The following PLA2G4C variants were observed in gnomAD, a reference collection of about 807,000 sequenced individuals.
PLA2G4C encodes cytosolic phospholipase A2 gamma.
A neutral mutation model predicts 73.8 loss-of-function variants in PLA2G4C; 64 were observed. The observed-to-expected ratio is 0.87, with a 90% confidence interval of 0.71 to 1.07. PLA2G4C has a LOEUF of 1.07. Ranked by LOEUF, PLA2G4C falls within the 50% of genes least tolerant of loss-of-function variation. The pLI, the probability that PLA2G4C is intolerant of heterozygous loss-of-function variation, is 0.00. For synonymous variants in PLA2G4C, 254 were observed against 252.1 expected (o/e 1.01, Z -0.07); for missense variants, 622 against 665.4 (o/e 0.93, Z 0.72).
chr19:48,087,936 C>CAAAA (rs75679224), intron 9 of PLA2G4C, among the ~76,000 whole-genome samples: 1 of 123,796 alleles, frequency 8.1e-6, no homozygotes. Context: ...AACTCTGTCT[C>CAAAA]AAAAAAAAAA....
At chr19:48,068,030 G>T in intron 12 of PLA2G4C, 144 bp from the exon 13 acceptor site, 1 of 675,314 alleles carries the variant, frequency 1.5e-6, no homozygotes. Context: ...CAGGGCCGGC[G>T]CGTTGGCTCA....
chr19:48,077,888 A>T (rs2030275421), intron 10 of PLA2G4C, 64 bp from the exon 11 acceptor site: 1 of 1,339,252 alleles, frequency 7.5e-7, no homozygotes, highest in East Asian at 2.5e-5. Context: ...GAAAATACAG[A>T]TTACCTGCAG....
Position 48,090,408 on chromosome 19 carries a change from C to T in PLA2G4C, c.719G>A (p.Gly240Glu). The T allele has an allele frequency of 6.2e-7, 1 of 1,611,364 alleles. No individual in the cohort carries two copies. The highest frequency in any genetic ancestry group is 8.5e-7 in the Non-Finnish European group (1 of 1,177,494). The change falls in exon 8 of 17, where the codon GGA becomes GAA. Residue 240 changes from glycine (G) to glutamate (E), a missense_variant. Coordinates refer to ENST00000599921, the MANE Select transcript of PLA2G4C (RefSeq NM_003706.3). ...RDLTFLRGLW[G>E]SALGNTEVIR... ...GACTTCAGTGTTACCAAGAGCACTT[C>T]CCCATAAACCTGCCAAGAAAAGAGC...
At chr19:48,084,947 G>A (rs1474317839) in intron 10 of PLA2G4C, 112 bp downstream of exon 10, 8 of 759,384 alleles carry the variant, frequency 1.1e-5, no homozygotes, top group Admixed American at 2.1e-5. Flanking sequence ...AAATGTGGTT[G>A]TTAGAACCAT....
chr19:48,070,210 A>G (rs1262377321), intron 12 of PLA2G4C, among the ~76,000 whole-genome samples: 1 of 152,210 alleles, frequency 6.6e-6, no homozygotes, highest in East Asian at 1.9e-4. Flanking sequence ...TAACATGTCA[A>G]CTAGGCTGGG....
intron 14 of PLA2G4C, among the ~76,000 whole-genome samples, chr19:48,058,749 C>T (rs1260171112): frequency 1.3e-5 from 2 of 149,300 alleles, no homozygotes; most frequent in East Asian, 2.0e-4. Context: ...ACCCGGGAGG[C>T]GAAGGTTGCA....
At chr19:48,107,074 A>T (rs926556534) in intron 1 of PLA2G4C, among the ~76,000 whole-genome samples, 1 of 152,028 alleles carries the variant, frequency 6.6e-6, no homozygotes, top group Non-Finnish European at 1.5e-5. Flanking sequence ...TGAACTCCCG[A>T]CCTCAGGTGA....
chr19:48,054,220 G>A (rs372297402), intron 15 of PLA2G4C, among the ~76,000 whole-genome samples: 51 of 152,140 alleles, frequency 3.4e-4, no homozygotes, highest in Non-Finnish European at 5.6e-4. Context: ...CCCAAGTGTC[G>A]TGGGAGGTAA....
chr19:48,099,663 T>A lies in PLA2G4C; in HGVS notation c.447+8A>T. On this transcript the variant is annotated splice_region_variant and intron_variant, in intron 5 of 16. Transcript: ENST00000599921. ...CCCACCCCAGGTCCCCAGCTGGGAATGACTTACTTCTCTGGTTTGCTTAGA... is the reference window on the plus strand; with the variant it reads ...CCCACCCCAGGTCCCCAGCTGGGAAAGACTTACTTCTCTGGTTTGCTTAGA... The A allele has an allele frequency of 1.2e-6, 2 of 1,608,484 alleles. No homozygotes were observed. Among genetic ancestry groups the A allele is most frequent in the East Asian group, 2.2e-5 (1 of 44,724 alleles).
Position 48,052,997 on chromosome 19 carries a change from C to T in PLA2G4C, c.1580G>A (p.Gly527Glu). Residue 527 changes from glycine to glutamate, a missense_variant and splice_region_variant, in exon 16 of 17, where the codon GGG (glycine) becomes GAG (glutamate). Gly to Glu is a moderately conservative substitution (Grantham distance 98, BLOSUM62 -2). Transcript: ENST00000599921. ...KILRELMNVA[G>E]LYYPKDSARS... ...AGAGCGACTATGGTCTCCCACCTAC[C>T]CGGCCACGTTCATCAACTCTCTAAG... The T allele has an allele frequency of 6.2e-7, 1 of 1,605,940 alleles. No individual in the cohort carries two copies. The highest frequency in any genetic ancestry group is 2.2e-5 in the East Asian group (1 of 44,620).
At chr19:48,058,273 C>A (rs1255308351) in intron 14 of PLA2G4C, among the ~76,000 whole-genome samples, 1 of 150,898 alleles carries the variant, frequency 6.6e-6, no homozygotes, top group Non-Finnish European at 1.5e-5. Flanking sequence ...CACTCCAGCC[C>A]GGGCAACAAG....
chr19:48,061,565 C>T (rs1227435600), intron 14 of PLA2G4C: 1 of 186,016 alleles, frequency 5.4e-6, no homozygotes, highest in Non-Finnish European at 1.1e-5. Flanking sequence ...GACAAATATA[C>T]TTGCATATGT....
chr19:48,053,674 CCT>C (rs1967818060), intron 15 of PLA2G4C, among the ~76,000 whole-genome samples: 1 of 136,566 alleles, frequency 7.3e-6, no homozygotes, highest in African/African-American at 3.0e-5. Context: ...CGCCTGGCCC[CCT>C]GCTTCCTGTC....
At chr19:48,060,143 G>A (rs552595281) in intron 14 of PLA2G4C, among the ~76,000 whole-genome samples, 22 of 152,106 alleles carry the variant, frequency 1.4e-4, no homozygotes, top group Admixed American at 1.3e-3. Flanking sequence ...GCTCGCAGAC[G>A]GCCTATTGTA....
At chr19:48,085,817 G>A (rs1367552409) in intron 9 of PLA2G4C, among the ~76,000 whole-genome samples, 1 of 152,208 alleles carries the variant, frequency 6.6e-6, no homozygotes. Flanking sequence ...CAGGGAGCCT[G>A]AAAGTCCAGT....
intron 4 of PLA2G4C, 77 bp downstream of exon 4, chr19:48,104,511 A>G (rs1049796240): frequency 7.0e-7 from 1 of 1,428,398 alleles, no homozygotes; most frequent in Admixed American, 1.8e-5. Flanking sequence ...AAAAAACCAC[A>G]CACATTTGGT....
Position 48,098,094 on chromosome 19 carries a change from G to A in PLA2G4C, c.568+45C>T, listed in dbSNP as rs753065656. ...ACATTCTTCCATTCCACTCCGTGCT[G>A]TTCCATCCCTTACTACCTCTCCCTC... On this transcript the variant is annotated intron_variant, in intron 6 of 16. Coordinates refer to ENST00000599921, the MANE Select transcript of PLA2G4C (RefSeq NM_003706.3). 4 of 1,602,592 alleles carry A rather than the reference G, an allele frequency of 2.5e-6. No individual in the cohort carries two copies. In the African/African-American group the frequency reaches 4.0e-5, roughly 16 times the overall value.
intron 7 of PLA2G4C, among the ~76,000 whole-genome samples, chr19:48,092,107 T>C (rs962583274): frequency 6.6e-6 from 1 of 151,398 alleles, no homozygotes; most frequent in Non-Finnish European, 1.5e-5. Flanking sequence ...TGGAGCGCAA[T>C]GGCGCGATCT....
At chr19:48,101,672 A>ATTTTT (rs1212838881) in intron 4 of PLA2G4C, among the ~76,000 whole-genome samples, 1 of 127,312 alleles carries the variant, frequency 7.9e-6, no homozygotes, top group Non-Finnish European at 1.7e-5. Context: ...TTCCTTTAAT[A>ATTTTT]TCTTTTTTTT....
Sources: gnomAD v4.1 joint callset for allele counts (sites outside exome capture counted in the v4.1 genomes callset) on GRCh38, gnomAD v4.1.1 for gene constraint, MANE v1.5 for transcripts, NCBI Gene and HGNC (gene_info 2026-07-23, HGNC 2026-07-21) for gene names.